GABBR2: variants seen among roughly 807,000 people sequenced by gnomAD.
GABBR2 encodes G-protein coupled receptor 51.
In GABBR2, 23 loss-of-function variants were observed where a neutral mutation model predicts 105.6. That is an observed-to-expected ratio of 0.22 (90% CI 0.16 to 0.31). GABBR2 has a LOEUF of 0.31. Ranked by LOEUF, GABBR2 falls within the 10% of genes least tolerant of loss-of-function variation. GABBR2 has a pLI of 1.00. For missense variants in GABBR2, 734 were observed against 1,245.5 expected (o/e 0.59, Z 6.18); for synonymous variants, 478 against 499.7 (o/e 0.96, Z 0.58).
intron 1 of GABBR2, among the ~76,000 whole-genome samples, chr9:98,670,503 G>C (rs1830394350): frequency 2.0e-5 from 3 of 152,196 alleles, no homozygotes. Context: ...AGAATGGAAA[G>C]CAAGATTCCA....
intron 3 of GABBR2, among the ~76,000 whole-genome samples, chr9:98,539,373 C>G (rs2808570): frequency 0.4 from 60,057 of 151,990 alleles, 12,994 homozygotes; most frequent in East Asian, 0.66. Context: ...GCAGGTAGTT[C>G]CTATGCAATT....
At position 98,480,888 on chromosome 9, in the gene GABBR2, G is replaced by A. The variant is rs150221196; in HGVS notation, c.798+44C>T. 633 of 1,162,400 alleles carry A rather than the reference G, an allele frequency of 5.4e-4. No individual in the cohort carries two copies. The highest frequency in any genetic ancestry group is 4.8e-3 in the Middle Eastern group (25 of 5,230). 72.0% of individuals were successfully genotyped at this position (1,162,400 alleles called of 1,614,324 possible). On this transcript the variant is annotated intron_variant, in intron 5 of 18. Coordinates refer to ENST00000259455, the MANE Select transcript of GABBR2 (RefSeq NM_005458.8). ...GATAATGAGTATGGGAAAAAGCTTCGTGAACCTCCCCAAAGACACGAATGA... is the reference window on the plus strand; with the variant it reads ...GATAATGAGTATGGGAAAAAGCTTCATGAACCTCCCCAAAGACACGAATGA...
chr9:98,312,542 C>A (rs1295684388), intron 13 of GABBR2, among the ~76,000 whole-genome samples: 1 of 152,208 alleles, frequency 6.6e-6, no homozygotes, highest in Non-Finnish European at 1.5e-5. Flanking sequence ...AATAAATAAT[C>A]TGTGGGAGCT....
intron 1 of GABBR2, among the ~76,000 whole-genome samples, chr9:98,582,769 T>C (rs2131785776): frequency 6.6e-6 from 1 of 152,320 alleles, no homozygotes; most frequent in South Asian, 2.1e-4. Flanking sequence ...GTTTTTAATG[T>C]CCTGACATGA....
intron 1 of GABBR2, chr9:98,606,900 C>A: frequency 1.6e-6 from 1 of 617,378 alleles, no homozygotes; most frequent in Non-Finnish European, 2.9e-6. Context: ...GATTGATCCA[C>A]ATGAATTCCT....
intron 1 of GABBR2, among the ~76,000 whole-genome samples, chr9:98,588,007 T>A (rs1223578552): frequency 5.3e-5 from 8 of 152,324 alleles, no homozygotes; most frequent in African/African-American, 1.9e-4. Context: ...TTAAAGGTTA[T>A]GAGATTTCAG....
At chr9:98,550,220 GA>G (rs1366023185) in intron 2 of GABBR2, among the ~76,000 whole-genome samples, 2 of 152,120 alleles carry the variant, frequency 1.3e-5, no homozygotes, top group African/African-American at 4.8e-5. Context: ...TAATCGTATG[GA>G]TAAGAAAACC....
chr9:98,470,592 C>G (rs761520387), intron 6 of GABBR2, among the ~76,000 whole-genome samples: 8 of 152,038 alleles, frequency 5.3e-5, no homozygotes, highest in Non-Finnish European at 8.8e-5. Flanking sequence ...GAGCTAAACC[C>G]TATCAGTAAT....
chr9:98,676,669 A>C (rs1369734943), intron 1 of GABBR2, among the ~76,000 whole-genome samples: 2 of 152,190 alleles, frequency 1.3e-5, no homozygotes, highest in African/African-American at 4.8e-5. Flanking sequence ...TACTTCAATG[A>C]GGGCAAATCC....
intron 13 of GABBR2, among the ~76,000 whole-genome samples, chr9:98,326,134 C>G (rs1830918566): frequency 6.6e-6 from 1 of 152,202 alleles, no homozygotes; most frequent in East Asian, 1.9e-4. Context: ...AGTGGCCAAT[C>G]CAAAGGAAAG....
intron 7 of GABBR2, among the ~76,000 whole-genome samples, chr9:98,423,968 T>C (rs1832829348): frequency 6.6e-6 from 1 of 152,190 alleles, no homozygotes; most frequent in Non-Finnish European, 1.5e-5. Flanking sequence ...TCTATATCTA[T>C]ATCTGATCTA....
At chr9:98,524,694 C>T (rs1827926971) in intron 3 of GABBR2, among the ~76,000 whole-genome samples, 1 of 152,146 alleles carries the variant, frequency 6.6e-6, no homozygotes, top group South Asian at 2.1e-4. Flanking sequence ...GAAATCTTGT[C>T]AGCTCTACTG....
intron 12 of GABBR2, among the ~76,000 whole-genome samples, chr9:98,368,526 A>T (rs1244270058): frequency 6.6e-6 from 1 of 152,104 alleles, no homozygotes; most frequent in Non-Finnish European, 1.5e-5. Flanking sequence ...TGGTGACCAC[A>T]CCATATCACT....
intron 12 of GABBR2, among the ~76,000 whole-genome samples, chr9:98,365,422 T>C (rs1259351733): frequency 6.6e-6 from 1 of 152,180 alleles, no homozygotes; most frequent in African/African-American, 2.4e-5. Flanking sequence ...ACCTAAGCTC[T>C]ACTAGACACA....
rs567457761 is a variant in GABBR2, at chr9:98,584,984, C to T, written c.322-6912G>A. The stretch of plus-strand genomic sequence containing the variant: ...GCCTGGAAATCAGATAGCTAAGCTC[C>T]GCAGAGTGACTCCGAGAGATGTCTT... On this transcript the variant is annotated intron_variant, in intron 1 of 18. Transcript: ENST00000259455. 1.8e-4 allele frequency among the ~76,000 whole-genome samples: 28 copies of T among 152,282 alleles called. No homozygotes were observed. In the South Asian group the frequency reaches 2.3e-3, roughly 12 times the overall value.
intron 5 of GABBR2, among the ~76,000 whole-genome samples, chr9:98,479,757 C>A (rs553651483): frequency 8.5e-5 from 13 of 152,282 alleles, no homozygotes; most frequent in Admixed American, 2.0e-4. Context: ...TGTAGACATG[C>A]AATTTGAGGT....
chr9:98,537,315 A>G (rs1828200746), intron 3 of GABBR2, among the ~76,000 whole-genome samples: 1 of 152,204 alleles, frequency 6.6e-6, no homozygotes, highest in Non-Finnish European at 1.5e-5. Flanking sequence ...CTTTAATTCC[A>G]TTTATATGAA....
intron 8 of GABBR2, among the ~76,000 whole-genome samples, chr9:98,401,392 G>A (rs940908342): frequency 1.3e-5 from 2 of 152,078 alleles, no homozygotes; most frequent in Admixed American, 6.5e-5. Context: ...ATGGAGAGTC[G>A]ATGGCTCAAT....
intron 1 of GABBR2, among the ~76,000 whole-genome samples, chr9:98,610,766 C>T (rs973711050): frequency 2.0e-5 from 3 of 151,862 alleles, no homozygotes; most frequent in Non-Finnish European, 4.4e-5. Flanking sequence ...AGACTTCTGG[C>T]CTCTAGGACT....
Sources: gnomAD v4.1 joint callset for allele counts (sites outside exome capture counted in the v4.1 genomes callset) on GRCh38, gnomAD v4.1.1 for gene constraint, MANE v1.5 for transcripts, NCBI Gene and HGNC (gene_info 2026-07-23, HGNC 2026-07-21) for gene names.